Variants in ZNF385D observed in about 807,000 individuals in gnomAD.
ZNF385D encodes zinc finger protein 385D.
Under a neutral mutation model 35.8 loss-of-function variants are expected in ZNF385D, and 15 were observed. The observed-to-expected ratio is 0.42, with a 90% confidence interval of 0.28 to 0.64. The LOEUF is 0.64. ZNF385D is among the 30% of genes least tolerant of loss of function. ZNF385D has a pLI of 0.23. For missense variants in ZNF385D, 474 were observed against 494.6 expected (o/e 0.96, Z 0.39); for synonymous variants, 212 against 186.8 (o/e 1.13, Z -1.10).
intron 3 of ZNF385D, among the ~76,000 whole-genome samples, chr3:21,960,984 T>A (rs1702556095): frequency 6.6e-6 from 1 of 152,084 alleles, no homozygotes; most frequent in South Asian, 2.1e-4. Context: ...ATGGGAGGGA[T>A]GATTTCTGCT....
intron 2 of ZNF385D, among the ~76,000 whole-genome samples, chr3:22,367,820 C>A (rs549298600): frequency 1.2e-4 from 18 of 151,924 alleles, no homozygotes; most frequent in Non-Finnish European, 2.6e-4. Context: ...TATAAGATAA[C>A]AAAAAAAGTT....
chr3:21,813,059 C>CT (rs1553673585), intron 3 of ZNF385D, among the ~76,000 whole-genome samples: 1 of 152,148 alleles, frequency 6.6e-6, no homozygotes, highest in Non-Finnish European at 1.5e-5. Flanking sequence ...CTGCAGCCTC[C>CT]GCTGGTGATA....
intron 1 of ZNF385D, among the ~76,000 whole-genome samples, chr3:21,695,761 AT>A (rs998146418): frequency 6.6e-6 from 1 of 150,966 alleles, no homozygotes; most frequent in African/African-American, 2.4e-5. Flanking sequence ...TATATATTAT[AT>A]ATATATATAA....
At chr3:21,538,234 A>T (rs2062085471) in intron 3 of ZNF385D, among the ~76,000 whole-genome samples, 1 of 152,084 alleles carries the variant, frequency 6.6e-6, no homozygotes, top group African/African-American at 2.4e-5. Flanking sequence ...GTGAGCAGGC[A>T]AATATCTGAG....
intron 2 of ZNF385D, among the ~76,000 whole-genome samples, chr3:22,182,777 GTTA>G (rs1695366293): frequency 6.6e-6 from 1 of 151,932 alleles, no homozygotes; most frequent in Admixed American, 6.6e-5. Context: ...ACTTATAGCA[GTTA>G]TTATAAATAA....
exon 3 of ZNF385D, chr3:22,168,882 T>C (rs1360604372): frequency 3.0e-6 from 3 of 985,756 alleles, no homozygotes; most frequent in Admixed American, 6.1e-5. Context: ...TTTGCCATTG[T>C]AGTGGATTTG....
At chr3:22,230,593 G>A (rs907132752) in intron 2 of ZNF385D, among the ~76,000 whole-genome samples, 12 of 152,118 alleles carry the variant, frequency 7.9e-5, no homozygotes, top group African/African-American at 2.7e-4. Context: ...TTACTACCAC[G>A]AGTGGGGCCT....
At chr3:22,148,211 T>G (rs1293015586) in intron 3 of ZNF385D, among the ~76,000 whole-genome samples, 1 of 152,150 alleles carries the variant, frequency 6.6e-6, no homozygotes, top group Admixed American at 6.5e-5. Flanking sequence ...CCATGCATGA[T>G]GGAGTGGTCA....
chr3:22,302,329 G>GAAAAGCATA (rs1702945449), intron 2 of ZNF385D, among the ~76,000 whole-genome samples: 1 of 151,690 alleles, frequency 6.6e-6, no homozygotes, highest in Non-Finnish European at 1.5e-5. Context: ...GTATGAGTTA[G>GAAAAGCATA]TTTCTCATTG....
At chr3:21,560,261 C>A (rs1360667298) in intron 3 of ZNF385D, among the ~76,000 whole-genome samples, 2 of 152,146 alleles carry the variant, frequency 1.3e-5, no homozygotes, top group Non-Finnish European at 2.9e-5. Context: ...GAATTTTCAG[C>A]CTTTTTGGGC....
intron 3 of ZNF385D, among the ~76,000 whole-genome samples, chr3:21,533,550 T>A (rs1390890266): frequency 6.6e-6 from 1 of 152,088 alleles, no homozygotes; most frequent in African/African-American, 2.4e-5. Context: ...TCCATCTATA[T>A]GACTCAAAAT....
chr3:21,818,331 A>G (rs913784175), intron 3 of ZNF385D, among the ~76,000 whole-genome samples: 2 of 152,246 alleles, frequency 1.3e-5, no homozygotes, highest in Non-Finnish European at 2.9e-5. Context: ...AGGTATAATA[A>G]TAACAAAAGA....
At chr3:22,183,718 TTAG>T (rs1369193239) in intron 2 of ZNF385D, among the ~76,000 whole-genome samples, 2 of 143,900 alleles carry the variant, frequency 1.4e-5, no homozygotes, top group Non-Finnish European at 1.5e-5. Context: ...AAAAATGGGT[TTAG>T]TAGATTATTA....
chr3:22,018,852 T>C (rs1295630660), intron 3 of ZNF385D, among the ~76,000 whole-genome samples: 1 of 151,898 alleles, frequency 6.6e-6, no homozygotes, highest in Non-Finnish European at 1.5e-5. Flanking sequence ...GGGTGGAGTT[T>C]AATTGCTAAT....
chr3:21,451,513 CAA>C lies in ZNF385D; in HGVS notation c.440-14312_440-14311del, dbSNP rs1199412003. 2.6e-5 allele frequency among the ~76,000 whole-genome samples: 4 copies of C among 151,978 alleles called. No individual in the cohort carries two copies. The East Asian group carries it at 7.7e-4, about 29-fold the overall frequency. The stretch of plus-strand genomic sequence containing the variant: ...TTTCCTTCATATAGAGTGGATCTCT[CAA>C]GTTAGTCCAACAATCTAGCTTGCTA... On this transcript the variant is annotated intron_variant, in intron 4 of 7. Transcript: ENST00000281523.
intron 3 of ZNF385D, among the ~76,000 whole-genome samples, chr3:22,067,684 A>G (rs1700024110): frequency 6.6e-6 from 1 of 152,190 alleles, no homozygotes; most frequent in Non-Finnish European, 1.5e-5. Context: ...CAGAACTTCA[A>G]ATTATATAAG....
chr3:22,266,445 G>T lies in ZNF385D; in HGVS notation c.107-97410C>A, dbSNP rs73132673. Among the ~76,000 whole-genome samples the T allele has an allele frequency of 7.8e-4, 118 of 151,906 alleles. 1 individual carries two copies. Among genetic ancestry groups the T allele is most frequent in the African/African-American group, 2.6e-3 (107 of 41,484 alleles). ...AAGAGGTGTAGGGATCAGGACTCCTGTTCACATAGTCAGCTGGCTGACTGC... is the reference window on the plus strand; with the variant it reads ...AAGAGGTGTAGGGATCAGGACTCCTTTTCACATAGTCAGCTGGCTGACTGC... On this transcript the variant is annotated intron_variant, in intron 2 of 5. Coordinates refer to the ZNF385D transcript ENST00000494108.
At chr3:22,295,592 A>G (rs1366271918) in intron 2 of ZNF385D, among the ~76,000 whole-genome samples, 1 of 152,196 alleles carries the variant, frequency 6.6e-6, no homozygotes, top group Non-Finnish European at 1.5e-5. Context: ...GTTTTTAATA[A>G]TGAGTGGGAA....
intron 2 of ZNF385D, among the ~76,000 whole-genome samples, chr3:22,219,481 G>A (rs1698117079): frequency 6.6e-6 from 1 of 152,058 alleles, no homozygotes; most frequent in South Asian, 2.1e-4. Flanking sequence ...TATCAGAAAG[G>A]TCATGCTAGA....
Sources: allele counts gnomAD v4.1 joint callset (sites outside exome capture counted in the v4.1 genomes callset), GRCh38; gene constraint gnomAD v4.1.1; transcripts MANE v1.5; gene names NCBI Gene and HGNC (gene_info 2026-07-23, HGNC 2026-07-21).